The following MYO5C variants were observed in gnomAD, a reference collection of about 807,000 sequenced individuals.
MYO5C encodes unconventional myosin-Vc.
Under a neutral mutation model 235.7 loss-of-function variants are expected in MYO5C, and 194 were observed. That is an observed-to-expected ratio of 0.82 (90% CI 0.73 to 0.93). MYO5C has a LOEUF of 0.93. MYO5C is among the 40% of genes least tolerant of loss of function. MYO5C has a pLI of 0.00. For synonymous variants in MYO5C, 707 were observed against 754.8 expected, an observed-to-expected ratio of 0.94 and a Z score of 1.04; for missense variants, 2,038 against 2,127.2, an observed-to-expected ratio of 0.96 and a Z score of 0.82.
At chr15:52,292,538 A>C (rs140772016) in intron 1 of MYO5C, among the ~76,000 whole-genome samples, 1 of 152,366 alleles carries the variant, frequency 6.6e-6, no homozygotes, top group African/African-American at 2.4e-5. Flanking sequence ...TGAAACTCTG[A>C]GGATGGCATC....
chr15:52,266,518 C>T (rs998858230), intron 8 of MYO5C, among the ~76,000 whole-genome samples: 47 of 152,158 alleles, frequency 3.1e-4, no homozygotes, highest in African/African-American at 1.1e-3. Context: ...GAGGGGAAGG[C>T]GAAGGGAACA....
At chr15:52,253,200 T>A in intron 12 of MYO5C, 117 bp downstream of exon 12, 3 of 1,052,086 alleles carry the variant, frequency 2.9e-6, no homozygotes, top group South Asian at 1.5e-5. Context: ...TTAATATCCA[T>A]CCAACCAACT....
rs1389058001 is a variant in MYO5C at position 52,279,003 on chromosome 15, C to T, written c.319G>A (p.Ala107Thr). The T allele has an allele frequency of 1.9e-6, 3 of 1,612,560 alleles. No individual in the cohort carries two copies. Among genetic ancestry groups the T allele is most frequent in the Non-Finnish European group, 2.5e-6 (3 of 1,179,018 alleles). ...IYTYSGIILV[A>T]MNPYKQLPIY... Reference sequence around the variant, plus strand: ...GGCAACTGCTTGTAAGGATTCATGGCCACCAAAATGATTCCTGGGGAAAGA... The same window carrying T: ...GGCAACTGCTTGTAAGGATTCATGGTCACCAAAATGATTCCTGGGGAAAGA... Residue 107 changes from alanine to threonine, a missense_variant, in exon 4 of 41, where the codon GCC (alanine) becomes ACC (threonine). Physicochemically the swap from Ala to Thr is moderately conservative, Grantham distance 58. Transcript: ENST00000261839.
At chr15:52,227,482 C>A (rs1404596607) in intron 25 of MYO5C, among the ~76,000 whole-genome samples, 2 of 151,910 alleles carry the variant, frequency 1.3e-5, no homozygotes, top group African/African-American at 4.8e-5. Flanking sequence ...CAGGCCTGAG[C>A]CACCGTGCCC....
chr15:52,217,734 C>T (rs1193781119), intron 32 of MYO5C, among the ~76,000 whole-genome samples: 1 of 152,168 alleles, frequency 6.6e-6, no homozygotes, highest in Admixed American at 6.5e-5. Flanking sequence ...TATGTTTTTC[C>T]TCTATCAAGG....
At chr15:52,286,977 T>TAACA (rs10622518) in intron 1 of MYO5C, among the ~76,000 whole-genome samples, 72,760 of 139,648 alleles carry the variant, frequency 0.52, 22,391 homozygotes, top group Non-Finnish European at 0.69. Context: ...AAAGAAAAAC[T>TAACA]AACAAACAAA....
chr15:52,246,847 C>A, intron 16 of MYO5C, 70 bp downstream of exon 16: 1 of 1,297,724 alleles, frequency 7.7e-7, no homozygotes, highest in Non-Finnish European at 1.1e-6. Flanking sequence ...CAATTGGAAG[C>A]AAATTCTCCA....
Position 52,261,038 on chromosome 15 carries a change from G to A in MYO5C, c.1137C>T (p.Val379=). Residue 379 remains valine, a synonymous_variant, in exon 10 of 41, where the codon GTC becomes GTT. Transcript: ENST00000261839. ...GTTTTACCACCGTCTCAGAGCTTGT[G>A]ACGATTTTGCGATTGCACAGCCACT... is the stretch of plus-strand genomic sequence containing the variant. The part of the protein sequence containing the change: ...VAQWLCNRKI[V]TSSETVVKPM... 6.2e-7 allele frequency: 1 copy of A among 1,614,202 alleles called. No homozygotes were observed. Among genetic ancestry groups the A allele is most frequent in the Non-Finnish European group, 8.5e-7 (1 of 1,180,042 alleles).
intron 39 of MYO5C, 93 bp downstream of exon 39, chr15:52,196,215 AG>A: frequency 8.0e-7 from 1 of 1,247,290 alleles, no homozygotes; most frequent in Non-Finnish European, 1.1e-6. Flanking sequence ...ACACAGAATC[AG>A]GGTGCCCACA....
intron 38 of MYO5C, among the ~76,000 whole-genome samples, chr15:52,198,616 CTG>C (rs1291557953): frequency 6.6e-6 from 1 of 152,064 alleles, no homozygotes; most frequent in African/African-American, 2.4e-5. Flanking sequence ...GAGTCTCACT[CTG>C]TTGCCCAGGC....
rs773066837 is a variant in MYO5C, at chr15:52,245,438, G to C, written c.2094C>G (p.Arg698=). Residue 698 remains arginine (R), a synonymous_variant, in exon 18 of 41, where the codon CGC becomes CGG. Transcript: ENST00000261839. The stretch of plus-strand genomic sequence containing the variant: ...CTTGCTTGGTCATGAGAATGCCGTA[G>C]CGACTGTAGAACTCGATGTATGTCC... ...SRWTYIEFYS[R]YGILMTKQEL... 4 of 1,614,110 alleles carry C rather than the reference G, an allele frequency of 2.5e-6. No homozygotes were observed. The African/African-American group carries it at 5.3e-5, about 22-fold the overall frequency.
intron 1 of MYO5C, among the ~76,000 whole-genome samples, chr15:52,294,300 T>C (rs1294244581): frequency 1.3e-5 from 2 of 152,248 alleles, no homozygotes; most frequent in Admixed American, 6.5e-5. Flanking sequence ...TCCAGTAAAC[T>C]GAAGGCTGAA....
At chr15:52,218,478 C>T in intron 32 of MYO5C, 41 bp downstream of exon 32, 1 of 1,599,254 alleles carries the variant, frequency 6.3e-7, no homozygotes, top group Non-Finnish European at 8.6e-7. Flanking sequence ...GCAACATCTG[C>T]ACACAGACAG....
rs1566975295 is a variant in MYO5C at position 52,240,553 on chromosome 15, AGAAG to A, written c.2557-678_2557-675del. Among the ~76,000 whole-genome samples the A allele has an allele frequency of 2.5e-4, 31 of 124,902 alleles. 1 individual carries two copies. Among genetic ancestry groups the A allele is most frequent in the Middle Eastern group, 4.2e-3 (1 of 240 alleles). The allele number at this position is 124,902 out of a possible 152,430, so 81.9% of individuals were successfully genotyped here. On this transcript the variant is annotated intron_variant, in intron 20 of 40. Coordinates refer to ENST00000261839, the MANE Select transcript of MYO5C (RefSeq NM_018728.4). ...ACTCATTCTCTACAAAAAAAGAAAA[AGAAG>A]AAAAAAGAAAAAAAAAAAAGAAAAA...
intron 22 of MYO5C, chr15:52,237,209 C>CA: frequency 3.5e-6 from 1 of 287,198 alleles, no homozygotes; most frequent in Admixed American, 5.0e-5. Context: ...GGCAGCCAGC[C>CA]AGGGCTCTTT....
At chr15:52,203,806 A>T (rs1008248203) in intron 38 of MYO5C, among the ~76,000 whole-genome samples, 2 of 152,032 alleles carry the variant, frequency 1.3e-5, no homozygotes, top group African/African-American at 4.8e-5. Context: ...AGCCTCTGGT[A>T]ACCATCCTTC....
chr15:52,272,787 A>C (rs1258974986), intron 5 of MYO5C, 64 bp from the exon 6 acceptor site: 1 of 1,548,284 alleles, frequency 6.5e-7, no homozygotes, highest in Non-Finnish European at 8.8e-7. Context: ...AAATTATTGG[A>C]GGGGTTTTTA....
chr15:52,236,837 T>C (rs2036097612), intron 22 of MYO5C: 1 of 152,260 alleles, frequency 6.6e-6, no homozygotes, highest in African/African-American at 2.4e-5. Flanking sequence ...AATCTCTTTT[T>C]GTTATTCTCA....
At chr15:52,217,284 G>A (rs1159088315) in intron 32 of MYO5C, among the ~76,000 whole-genome samples, 4 of 152,230 alleles carry the variant, frequency 2.6e-5, no homozygotes, top group African/African-American at 7.2e-5. Flanking sequence ...CGCACCTGTG[G>A]GGAGCAGAGC....
Sources: allele counts gnomAD v4.1 joint callset (sites outside exome capture counted in the v4.1 genomes callset), GRCh38; gene constraint gnomAD v4.1.1; transcripts MANE v1.5; gene names NCBI Gene and HGNC (gene_info 2026-07-23, HGNC 2026-07-21).